Variants in AFMID observed in about 807,000 individuals in gnomAD.
AFMID encodes kynurenine formamidase.
A neutral mutation model predicts 47.5 loss-of-function variants in AFMID; 39 were observed. The observed-to-expected ratio is 0.82, with a 90% CI of 0.64 to 1.07. The LOEUF (loss-of-function observed/expected upper bound fraction) is 1.07. Among genes scored for constraint, AFMID ranks in the 50% least tolerant of loss-of-function variants. The probability of loss-of-function intolerance (pLI) is 0.00; values close to 1 mark genes in which losing one functional copy is unlikely to be tolerated. For synonymous variants in AFMID, 130 were observed against 153.2 expected (o/e 0.85, Z 1.12); for missense variants, 375 against 387.5 (o/e 0.97, Z 0.27).
At chr17:78,198,271 A>G (rs1301978250) in intron 2 of AFMID, among the ~76,000 whole-genome samples, 4 of 151,918 alleles carry the variant, frequency 2.6e-5, no homozygotes, top group Non-Finnish European at 5.9e-5. Flanking sequence ...CAGCCTGGCC[A>G]ACACCGTGAA....
In AFMID at chr17:78,205,589, A is replaced by C. The variant is rs370523497; in HGVS notation, c.645-14A>C. ...CTCCTCTCTGTCCTGACCCCTGTCC[A>C]CTCCCCACCCCAGGGAGGACGCTCA... On this transcript the variant is annotated splice_polypyrimidine_tract_variant and intron_variant, in intron 8 of 10. Transcript: ENST00000409257. 5.0e-6 allele frequency: 8 copies of C among 1,611,536 alleles called. No individual in the cohort carries two copies. In the African/African-American group the frequency reaches 8.1e-5, roughly 16 times the overall value.
rs1176487591 is a variant in AFMID, at chr17:78,205,128, A to G, written c.503A>G (p.His168Arg). 26 of 1,612,668 alleles carry G rather than the reference A, an allele frequency of 1.6e-5. No individual in the cohort carries two copies. Among genetic ancestry groups the G allele is most frequent in the Non-Finnish European group, 2.1e-5 (25 of 1,179,550 alleles). Residue 168 changes from histidine (H) to arginine (R), a missense_variant, in exon 7 of 11, where the codon CAC becomes CGC. Transcript: ENST00000409257. ...CTGTGTGGACACTCAGCCGGGGCCC[A>G]CCTGGCTGCCATGATGCTCCTGGCC... ...IYLCGHSAGA[H>R]LAAMMLLADW... is the part of the protein sequence containing the mutation.
intron 4 of AFMID, chr17:78,203,137 T>A (rs1025585396): frequency 3.0e-5 from 5 of 168,872 alleles, no homozygotes; most frequent in East Asian, 1.8e-4. Flanking sequence ...CTCAGCTCAC[T>A]GCAACTTCTG....
chr17:78,192,842 C>T (rs764549988), intron 2 of AFMID: 7 of 283,220 alleles, frequency 2.5e-5, no homozygotes, highest in Non-Finnish European at 4.4e-5. Flanking sequence ...AGGCTCAACA[C>T]AGCCTTTCAG....
At chr17:78,196,366 G>GA (rs1178667343) in intron 2 of AFMID, among the ~76,000 whole-genome samples, 2 of 150,612 alleles carry the variant, frequency 1.3e-5, no homozygotes, top group Non-Finnish European at 3.0e-5. Flanking sequence ...CCTTGTCTCA[G>GA]AAAAAAAAGA....
At position 78,187,439 on chromosome 17, in the gene AFMID, T is replaced by A; in HGVS notation, c.63+6T>A. 6.2e-7 allele frequency: 1 copy of A among 1,613,098 alleles called. No homozygotes were observed. Among genetic ancestry groups the A allele is most frequent in the South Asian group, 1.1e-5 (1 of 91,054 alleles). On this transcript the variant is annotated splice_donor_region_variant and intron_variant, in intron 1 of 10. Coordinates refer to ENST00000409257, the MANE Select transcript of AFMID (RefSeq NM_001010982.5). ...GGAAGAAGATGTCTGCAGAGGTAGG[T>A]GGATTGCAGGGAGGGACTAAGGGGC...
intron 1 of AFMID, among the ~76,000 whole-genome samples, chr17:78,189,824 C>T (rs1235960459): frequency 1.3e-4 from 17 of 129,984 alleles, no homozygotes; most frequent in African/African-American, 4.3e-4. Flanking sequence ...CCAGCATTTT[C>T]TGTTGGTTTT....
At chr17:78,197,186 T>G (rs528882088) in intron 2 of AFMID, 1 of 1,550,496 alleles carries the variant, frequency 6.4e-7, no homozygotes, top group African/African-American at 1.4e-5. Flanking sequence ...GACCTTCTGA[T>G]GAAGCCACTC....
In AFMID at chr17:78,205,110, GA is replaced by G. The variant is rs1354976560; in HGVS notation, c.486del (p.His163ThrfsTer10). Reference sequence around the variant, plus strand: ...CCTCCCAGGGGAATTTACCTGTGTGGACACTCAGCCGGGGCCCACCTGGCTG... The same window carrying G: ...CCTCCCAGGGGAATTTACCTGTGTGGCACTCAGCCGGGGCCCACCTGGCTG... ...YPSNKGIYLC[G>X]HSAGAHLAAM... On this transcript the variant is annotated frameshift_variant, in exon 7 of 11. Coordinates refer to ENST00000409257, the MANE Select transcript of AFMID (RefSeq NM_001010982.5). LOFTEE classifies it high-confidence loss of function. The G allele has an allele frequency of 3.7e-6, 6 of 1,611,874 alleles. No homozygotes were observed. The South Asian group carries it at 6.6e-5, about 18-fold the overall frequency.
intron 2 of AFMID, among the ~76,000 whole-genome samples, chr17:78,201,056 G>A (rs1032497359): frequency 2.0e-5 from 3 of 151,870 alleles, no homozygotes; most frequent in Non-Finnish European, 2.9e-5. Context: ...GAGTGCAGTG[G>A]TGCAATCTCA....
At position 78,207,197 on chromosome 17, in the gene AFMID, C is replaced by G. The variant is rs542318030; in HGVS notation, c.*260C>G. The G allele has an allele frequency of 5.5e-6, 3 of 543,378 alleles. No individual in the cohort carries two copies. In the South Asian group the frequency reaches 7.1e-5, roughly 13 times the overall value. The allele number at this position is 543,378 out of a possible 1,614,324, so 33.7% of individuals were successfully genotyped here. A position where few individuals can be genotyped will look rare whatever the true frequency, so the allele number is the denominator to read the frequency against. On this transcript the variant is annotated 3_prime_UTR_variant, in exon 11 of 11. Transcript: ENST00000409257. ...AATGCTCAGAGATGCCCGGAGCTGC[C>G]TCTTAGACTCGTCTGGCCCATCTAC...
intron 1 of AFMID, among the ~76,000 whole-genome samples, chr17:78,188,723 A>G (rs1489810764): frequency 6.6e-6 from 1 of 152,054 alleles, no homozygotes; most frequent in African/African-American, 2.4e-5. Flanking sequence ...CAGCCTCCTG[A>G]GTAGCTGGGA....
intron 2 of AFMID, chr17:78,192,603 C>T (rs766804344): frequency 2.1e-5 from 10 of 470,644 alleles, no homozygotes; most frequent in Non-Finnish European, 4.0e-5. Context: ...TATGAGCCAC[C>T]GTGCCTGGAC....
At chr17:78,197,062 G>A (rs2076133187) in intron 2 of AFMID, 2 of 1,216,780 alleles carry the variant, frequency 1.6e-6, no homozygotes, top group Non-Finnish European at 2.4e-6. Flanking sequence ...TAGCTGCTTG[G>A]TTTTAATGGC....
In AFMID at chr17:78,204,748, G is replaced by C. The variant is rs1567854786; in HGVS notation, c.394+7G>C. On this transcript the variant is annotated splice_region_variant and intron_variant, in intron 5 of 10. Transcript: ENST00000409257. Reference sequence around the variant, plus strand: ...TACGGCATCGCCCCCAAAGGTAATAGGAGTGGTTGCTGCAGGTCCGAGGGC... The same window carrying C: ...TACGGCATCGCCCCCAAAGGTAATACGAGTGGTTGCTGCAGGTCCGAGGGC... 3 of 1,614,026 alleles carry C rather than the reference G, an allele frequency of 1.9e-6. No homozygotes were observed. Among genetic ancestry groups the C allele is most frequent in the Non-Finnish European group, 2.5e-6 (3 of 1,180,036 alleles).
chr17:78,187,460 G>A, intron 1 of AFMID, 27 bp downstream of exon 1: 1 of 1,613,214 alleles, frequency 6.2e-7, no homozygotes, highest in Non-Finnish European at 8.5e-7. Context: ...GAGGGACTAA[G>A]GGGCTGGGGC....
chr17:78,198,094 T>C (rs990938726), intron 2 of AFMID, among the ~76,000 whole-genome samples: 2 of 152,078 alleles, frequency 1.3e-5, no homozygotes, highest in African/African-American at 4.8e-5. Context: ...CCAGGCGTGG[T>C]GGCACACGCC....
rs1349073944 is a variant in AFMID at position 78,188,029 on chromosome 17, CCTTGAT to C, written c.63+599_63+604del. On this transcript the variant is annotated intron_variant, in intron 1 of 10. Transcript: ENST00000409257. ...GGAGGTTAGGGGACAAAGTTCTGGA[CCTTGAT>C]CTGAGGTTACACAATGTTTTTGGGT... Among the ~76,000 whole-genome samples, 5 of 148,040 alleles carry C rather than the reference CCTTGAT, an allele frequency of 3.4e-5. No homozygotes were observed. In the East Asian group the frequency reaches 8.3e-4, roughly 25 times the overall value.
At chr17:78,201,386 C>T (rs936347014) in intron 2 of AFMID, among the ~76,000 whole-genome samples, 5 of 151,714 alleles carry the variant, frequency 3.3e-5, no homozygotes, top group Non-Finnish European at 7.4e-5. Flanking sequence ...TTTGGGAGGC[C>T]GAGGTGGATG....
Sources: allele counts gnomAD v4.1 joint callset (sites outside exome capture counted in the v4.1 genomes callset), GRCh38; gene constraint gnomAD v4.1.1; transcripts MANE v1.5; gene names NCBI Gene and HGNC (gene_info 2026-07-23, HGNC 2026-07-21).